DIABLO: variants seen among roughly 807,000 people sequenced by gnomAD.
DIABLO encodes diablo homolog, mitochondrial.
DIABLO carries 32 observed loss-of-function variants against 31.7 expected under a neutral mutation model. The observed-to-expected ratio is 1.01, with a 90% CI of 0.76 to 1.35. The LOEUF (loss-of-function observed/expected upper bound fraction) is 1.35, where lower values mean the gene tolerates loss of function less well. Ranked by LOEUF, DIABLO falls within the 40% of genes most tolerant of loss-of-function variation. The pLI is 0.00. For missense variants in DIABLO, 316 were observed against 286.4 expected (o/e 1.10, Z -0.75); for synonymous variants, 132 against 103.2 (o/e 1.28, Z -1.69).
At chr12:122,225,662 C>T in intron 1 of DIABLO, 10 of 1,360,254 alleles carry the variant, frequency 7.4e-6, no homozygotes, top group East Asian at 3.0e-5. Flanking sequence ...CTCCACGTCT[C>T]CTCAGGGACT....
At chr12:122,226,116 C>T (rs1954466464), upstream of DIABLO, 5 of 1,492,546 alleles carry the variant, frequency 3.3e-6, no homozygotes, top group Non-Finnish European at 4.5e-6. Flanking sequence ...GCCCCATAGC[C>T]ACGCCCCCAC....
At chr12:122,210,159 G>A (rs1006647767) in intron 5 of DIABLO, among the ~76,000 whole-genome samples, 2 of 152,088 alleles carry the variant, frequency 1.3e-5, no homozygotes, top group African/African-American at 2.4e-5. Context: ...TGAGCTTTTC[G>A]TTTTGGTGCT....
chr12:122,213,811 G>A (rs77035750), intron 5 of DIABLO, among the ~76,000 whole-genome samples: 12,479 of 151,850 alleles, frequency 0.082, 1,664 homozygotes, highest in African/African-American at 0.28. Flanking sequence ...TGGGCCAAGC[G>A]CAGTGGCTCA....
chr12:122,213,942 A>G (rs1323658381), intron 5 of DIABLO, among the ~76,000 whole-genome samples: 3 of 152,088 alleles, frequency 2.0e-5, no homozygotes, highest in Non-Finnish European at 4.4e-5. Flanking sequence ...AAAATTAGCC[A>G]GGCATGGTGG....
At chr12:122,219,700 C>CAA (rs1214970277) in intron 2 of DIABLO, among the ~76,000 whole-genome samples, 272 of 136,174 alleles carry the variant, frequency 2.0e-3, no homozygotes, top group African/African-American at 6.6e-3. Flanking sequence ...ACTAAAAATA[C>CAA]AAAAAAAAAA....
At chr12:122,210,436 G>A (rs1954057375) in intron 5 of DIABLO, among the ~76,000 whole-genome samples, 2 of 144,624 alleles carry the variant, frequency 1.4e-5, no homozygotes, top group East Asian at 2.0e-4. Context: ...GCAGTGGCGC[G>A]ATCTCGGCTC....
chr12:122,221,590 G>A (rs944715292), intron 2 of DIABLO: 10 of 152,054 alleles, frequency 6.6e-5, no homozygotes, highest in African/African-American at 2.4e-4. Context: ...TAGAGGGGTG[G>A]TCTCGCTATG....
intron 5 of DIABLO, among the ~76,000 whole-genome samples, chr12:122,210,119 T>C (rs1236688065): frequency 2.6e-5 from 4 of 152,164 alleles, no homozygotes; most frequent in Admixed American, 1.3e-4. Context: ...ATGGCTACGT[T>C]TGATTTACGG....
intron 5 of DIABLO, among the ~76,000 whole-genome samples, chr12:122,215,449 C>T (rs1204959292): frequency 6.6e-6 from 1 of 152,010 alleles, no homozygotes; most frequent in African/African-American, 2.4e-5. Context: ...ATTAAAAATA[C>T]AAAAACTAGC....
chr12:122,209,356 CAAAAAAAA>C (rs893723674), intron 5 of DIABLO, among the ~76,000 whole-genome samples: 10 of 127,760 alleles, frequency 7.8e-5, no homozygotes, highest in Admixed American at 2.9e-4. Flanking sequence ...GACTCCGTCT[CAAAAAAAA>C]AAGAAAAAAA....
intron 5 of DIABLO, among the ~76,000 whole-genome samples, chr12:122,213,045 C>G (rs917886221): frequency 6.6e-6 from 1 of 152,100 alleles, no homozygotes; most frequent in Admixed American, 6.5e-5. Flanking sequence ...CTCAGCCTCC[C>G]AAGAAGCTGG....
upstream of DIABLO, chr12:122,226,354 T>C (rs1222121583): frequency 1.2e-5 from 5 of 411,340 alleles, no homozygotes; most frequent in Non-Finnish European, 2.2e-5. Context: ...GGGAATTTCC[T>C]GGTGAGTTAG....
At chr12:122,222,182 C>CCA (rs1954347332) in intron 2 of DIABLO, 1 of 152,166 alleles carries the variant, frequency 6.6e-6, no homozygotes, top group African/African-American at 2.4e-5. Flanking sequence ...ATTGACAGCT[C>CCA]CACCTAGATG....
upstream of DIABLO, chr12:122,227,282 C>T (rs1954497813): frequency 4.7e-6 from 2 of 427,088 alleles, no homozygotes; most frequent in Admixed American, 2.4e-5. Context: ...CCCTACAACA[C>T]CTCCAATGCT....
intron 5 of DIABLO, among the ~76,000 whole-genome samples, chr12:122,212,988 A>G (rs1954121569): frequency 6.6e-6 from 1 of 151,256 alleles, no homozygotes; most frequent in South Asian, 2.1e-4. Flanking sequence ...TGGCCTGATC[A>G]TGGCTCACTG....
chr12:122,218,934 A>C (rs1245767940), intron 2 of DIABLO, among the ~76,000 whole-genome samples: 6 of 93,096 alleles, frequency 6.4e-5, no homozygotes, highest in African/African-American at 2.7e-4. Flanking sequence ...GAGCAAGACT[A>C]AAAAAAAAAA....
chr12:122,218,933 TAAAAA>T (rs1193774146), intron 2 of DIABLO, among the ~76,000 whole-genome samples: 3 of 91,440 alleles, frequency 3.3e-5, no homozygotes, highest in Non-Finnish European at 4.5e-5. Flanking sequence ...AGAGCAAGAC[TAAAAA>T]AAAAAAAAAA....
rs1156716109 is a variant in DIABLO at position 122,222,548 on chromosome 12, C to T, written c.183+1964G>A. ...AACCCAGGAGGCAGAGCTTCCTGGG[C>T]AACAGAGCGAGACTCCGTCTCCAAA... On this transcript the variant is annotated intron_variant, in intron 2 of 5. Transcript: ENST00000464942. 2.9e-5 allele frequency: 4 copies of T among 139,156 alleles called. No individual in the cohort carries two copies. In the Admixed American group the frequency reaches 3.1e-4, roughly 11 times the overall value. The allele number at this position is 139,156 out of a possible 1,614,324, so 8.6% of individuals were successfully genotyped here. A position where few individuals can be genotyped will look rare whatever the true frequency, so the allele number is the denominator to read the frequency against.
At chr12:122,216,705 A>C in intron 4 of DIABLO, 54 bp downstream of exon 4, 1 of 1,563,356 alleles carries the variant, frequency 6.4e-7, no homozygotes, top group South Asian at 1.1e-5. Flanking sequence ...AATAATTTAG[A>C]TACCACATGA....
Sources: gnomAD v4.1 joint callset for allele counts (sites outside exome capture counted in the v4.1 genomes callset) on GRCh38, gnomAD v4.1.1 for gene constraint, MANE v1.5 for transcripts, NCBI Gene and HGNC (gene_info 2026-07-23, HGNC 2026-07-21) for gene names.